Variants in UTP20 observed in about 807,000 individuals in gnomAD.
UTP20 encodes UTP20 small subunit processome component, also known as small subunit processome component 20 homolog.
Under a neutral mutation model 329.5 loss-of-function variants are expected in UTP20, and 164 were observed. That is an observed-to-expected ratio of 0.50 (90% CI 0.44 to 0.57). UTP20 has a LOEUF of 0.57. Among genes scored for constraint, UTP20 ranks in the 20% least tolerant of loss-of-function variants. The pLI, the probability that UTP20 is intolerant of heterozygous loss-of-function variation, is 0.00. For missense variants in UTP20, 3,055 were observed against 3,284.2 expected (o/e 0.93, Z 1.71); for synonymous variants, 1,151 against 1,159.3 (o/e 0.99, Z 0.14).
intron 2 of UTP20, among the ~76,000 whole-genome samples, chr12:101,284,482 A>C (rs1871895733): frequency 6.6e-6 from 1 of 152,112 alleles, no homozygotes; most frequent in South Asian, 2.1e-4. Flanking sequence ...TTCTTTATCC[A>C]ATCTACTGTT....
chr12:101,319,235 C>T (rs1873071593), intron 22 of UTP20, among the ~76,000 whole-genome samples: 1 of 152,158 alleles, frequency 6.6e-6, no homozygotes, highest in African/African-American at 2.4e-5. Flanking sequence ...CAAAAATCAT[C>T]TGAGTTTAAT....
chr12:101,291,562 A>T (rs1171472611), intron 8 of UTP20, 180 bp from the exon 9 acceptor site: 4 of 319,642 alleles, frequency 1.3e-5, no homozygotes, highest in Non-Finnish European at 2.1e-5. Flanking sequence ...AAAAAAAAAA[A>T]GACTTAGAAC....
chr12:101,343,566 A>G (rs770253351), intron 35 of UTP20, among the ~76,000 whole-genome samples: 1 of 152,160 alleles, frequency 6.6e-6, no homozygotes, highest in Non-Finnish European at 1.5e-5. Flanking sequence ...GCTAGAGTGC[A>G]GTGATGTGAT....
At chr12:101,354,592 G>A (rs1869652714) in intron 40 of UTP20, among the ~76,000 whole-genome samples, 1 of 152,108 alleles carries the variant, frequency 6.6e-6, no homozygotes, top group African/African-American at 2.4e-5. Context: ...TGTACCTGCA[G>A]TTCTGTGTTC....
chr12:101,330,594 C>T (rs990618359), intron 27 of UTP20, among the ~76,000 whole-genome samples: 1 of 152,206 alleles, frequency 6.6e-6, no homozygotes, highest in Non-Finnish European at 1.5e-5. Flanking sequence ...AGTTCTTTCT[C>T]TGTTATATGA....
chr12:101,386,359 C>T lies in UTP20; in HGVS notation c.*236C>T, dbSNP rs1555203838. On this transcript the variant is annotated 3_prime_UTR_variant, in exon 62 of 62. Transcript: ENST00000261637. ...GTAGTTGTGCCTCCTAGGCACACAA[C>T]ACTATGCCCGGCAAATTTTTTGTAT... 2.9e-6 allele frequency: 1 copy of T among 350,632 alleles called. No individual in the cohort carries two copies. The highest frequency in any genetic ancestry group is 5.1e-6 in the Non-Finnish European group (1 of 197,894). The allele number at this position is 350,632 out of a possible 1,614,324, so 21.7% of individuals were successfully genotyped here.
At chr12:101,282,367 G>A (rs1025888436) in intron 2 of UTP20, among the ~76,000 whole-genome samples, 12 of 152,168 alleles carry the variant, frequency 7.9e-5, no homozygotes, top group African/African-American at 2.9e-4. Flanking sequence ...TCCAGGCTGA[G>A]GGAGAAGCCT....
At chr12:101,336,922 C>T (rs982399535) in intron 29 of UTP20, among the ~76,000 whole-genome samples, 9 of 152,204 alleles carry the variant, frequency 5.9e-5, no homozygotes, top group South Asian at 2.1e-4. Context: ...TGCATTGTAT[C>T]TGAATGGGCT....
rs1457927005 is a variant in UTP20 at position 101,290,726 on chromosome 12, C to G, written c.736-7C>G. On this transcript the variant is annotated splice_polypyrimidine_tract_variant and splice_region_variant and intron_variant, in intron 7 of 61. Coordinates refer to ENST00000261637, the MANE Select transcript of UTP20 (RefSeq NM_014503.3). ...TATATTAATGTTAATGACTTGTATT[C>G]CCACAGGCAGTGAAGCTAATTTTGC... 6.2e-7 allele frequency: 1 copy of G among 1,602,388 alleles called. No individual in the cohort carries two copies. The highest frequency in any genetic ancestry group is 8.5e-7 in the Non-Finnish European group (1 of 1,176,510).
chr12:101,305,775 G>C, intron 15 of UTP20, 140 bp from the exon 16 acceptor site: 1 of 944,914 alleles, frequency 1.1e-6, no homozygotes, highest in Non-Finnish European at 1.5e-6. Flanking sequence ...TCTATGAAGT[G>C]AGCCAGATAT....
At chr12:101,338,770 A>C (rs760152292) in intron 30 of UTP20, 43 bp from the exon 31 acceptor site, 1 of 1,528,618 alleles carries the variant, frequency 6.5e-7, no homozygotes, top group Admixed American at 2.2e-5. Flanking sequence ...ATTATGCCTT[A>C]AGAGAGTTTA....
chr12:101,375,038 A>C (rs1303477377), intron 55 of UTP20, 99 bp downstream of exon 55: 1 of 797,092 alleles, frequency 1.3e-6, no homozygotes, highest in Non-Finnish European at 2.0e-6. Context: ...TTAAATATTT[A>C]TATTTATAGC....
chr12:101,338,029 A>G, intron 29 of UTP20, 22 bp from the exon 30 acceptor site: 3 of 1,605,036 alleles, frequency 1.9e-6, no homozygotes, highest in Non-Finnish European at 2.6e-6. Flanking sequence ...TAAGATGATT[A>G]CTACAATGTT....
chr12:101,293,138 T>G, intron 10 of UTP20, 30 bp from the exon 11 acceptor site: 1 of 1,602,286 alleles, frequency 6.2e-7, no homozygotes, highest in Non-Finnish European at 8.6e-7. Context: ...CTCTGTGTAC[T>G]TACATTAATA....
chr12:101,317,783 T>C, intron 22 of UTP20, 120 bp downstream of exon 22: 1 of 1,118,120 alleles, frequency 8.9e-7, no homozygotes, highest in Non-Finnish European at 1.2e-6. Flanking sequence ...GCGCTACATC[T>C]TCCTGGGATT....
intron 54 of UTP20, 32 bp from the exon 55 acceptor site, chr12:101,374,776 C>T (rs542796392): frequency 1.1e-6 from 1 of 879,756 alleles, no homozygotes; most frequent in South Asian, 1.4e-5. Flanking sequence ...CCCAAGTTCT[C>T]TTGACATTGT....
chr12:101,368,049 T>C, intron 48 of UTP20, 73 bp downstream of exon 48: 1 of 1,046,306 alleles, frequency 9.6e-7, no homozygotes, highest in Non-Finnish European at 1.5e-6. Context: ...GAATACCTAA[T>C]GGTTGTATTT....
At chr12:101,344,533 G>A in intron 35 of UTP20, 62 bp from the exon 36 acceptor site, 2 of 813,728 alleles carry the variant, frequency 2.5e-6, no homozygotes, top group South Asian at 3.0e-5. Context: ...GCACTGGGAA[G>A]TAATATTCCA....
rs2121061294 is a variant in UTP20, at chr12:101,381,146, A to T, written c.7591A>T (p.Ser2531Cys). ...GTCCATTTTCTTTTCACAGATGAAA[A>T]GTATCTCTCTCGCCTCTTGCCATCA... ...LASDLDQKMK[S>C]ISLASCHQLH... is the part of the protein sequence containing the mutation. Residue 2531 changes from serine (S) to cysteine (C), a missense_variant, in exon 58 of 62, where the codon AGT becomes TGT. Coordinates refer to ENST00000261637, the MANE Select transcript of UTP20 (RefSeq NM_014503.3). 1 of 1,613,660 alleles carries T rather than the reference A, an allele frequency of 6.2e-7. No individual in the cohort carries two copies. Among genetic ancestry groups the T allele is most frequent in the East Asian group, 2.2e-5 (1 of 44,884 alleles).
Sources: allele counts gnomAD v4.1 joint callset (sites outside exome capture counted in the v4.1 genomes callset), GRCh38; gene constraint gnomAD v4.1.1; transcripts MANE v1.5; gene names NCBI Gene and HGNC (gene_info 2026-07-23, HGNC 2026-07-21).